The following CLSTN2 variants were observed in gnomAD, a reference collection of about 807,000 sequenced individuals.
CLSTN2 encodes the protein calsyntenin-2.
A neutral mutation model predicts 101.2 loss-of-function variants in CLSTN2; 48 were observed. That is an observed-to-expected ratio of 0.47 (90% CI 0.38 to 0.60). The LOEUF (loss-of-function observed/expected upper bound fraction) is 0.60, where lower values mean the gene tolerates loss of function less well. Ranked by LOEUF, CLSTN2 falls within the 20% of genes least tolerant of loss-of-function variation. CLSTN2 has a pLI of 0.00. For missense variants in CLSTN2, 1,160 were observed against 1,238.2 expected (o/e 0.94, Z 0.95); for synonymous variants, 481 against 463.6 (o/e 1.04, Z -0.48).
chr3:140,367,511 C>CAAAAAA (rs34398474), intron 2 of CLSTN2, among the ~76,000 whole-genome samples: 2 of 96,838 alleles, frequency 2.1e-5, no homozygotes, highest in African/African-American at 4.1e-5. Context: ...CACTTTGTCT[C>CAAAAAA]AAAAAAAAAA....
intron 2 of CLSTN2, among the ~76,000 whole-genome samples, chr3:140,255,536 A>G (rs1228764579): frequency 6.6e-6 from 1 of 152,206 alleles, no homozygotes; most frequent in East Asian, 1.9e-4. Context: ...TGTCACTTAT[A>G]AGTGGGAGCT....
chr3:140,299,745 C>T (rs2087041012), intron 2 of CLSTN2, among the ~76,000 whole-genome samples: 1 of 152,158 alleles, frequency 6.6e-6, no homozygotes, highest in South Asian at 2.1e-4. Context: ...TAGACCATTG[C>T]CCAAAGTTCG....
chr3:140,072,101 C>T (rs1317545339), intron 1 of CLSTN2, among the ~76,000 whole-genome samples: 2 of 152,010 alleles, frequency 1.3e-5, no homozygotes. Context: ...TACAGTTTGA[C>T]CCAGCATTGC....
chr3:140,025,380 T>C (rs571668368), intron 1 of CLSTN2, among the ~76,000 whole-genome samples: 1 of 152,348 alleles, frequency 6.6e-6, no homozygotes, highest in Admixed American at 6.5e-5. Context: ...CTGGGGGCTC[T>C]GGGCTCAGAT....
At chr3:140,440,420 G>A (rs186535641) in intron 5 of CLSTN2, among the ~76,000 whole-genome samples, 137 of 152,300 alleles carry the variant, frequency 9.0e-4, no homozygotes, top group Admixed American at 1.2e-3. Context: ...CCTTATGTTC[G>A]TAATTCAGTT....
chr3:140,224,072 T>C (rs1396338206), intron 2 of CLSTN2, among the ~76,000 whole-genome samples: 1 of 152,188 alleles, frequency 6.6e-6, no homozygotes, highest in Non-Finnish European at 1.5e-5. Flanking sequence ...CCTTACAGTA[T>C]AGTGAGTGGT....
intron 2 of CLSTN2, among the ~76,000 whole-genome samples, chr3:140,281,600 C>A (rs2086848116): frequency 6.6e-6 from 1 of 152,140 alleles, no homozygotes; most frequent in Non-Finnish European, 1.5e-5. Flanking sequence ...GGATCTCATT[C>A]ATAGTGCACT....
Position 140,421,149 on chromosome 3 carries a change from T to C in CLSTN2, c.662T>C (p.Leu221Pro). 1 of 1,614,108 alleles carries C rather than the reference T, an allele frequency of 6.2e-7. No individual in the cohort carries two copies. The highest frequency in any genetic ancestry group is 8.5e-7 in the Non-Finnish European group (1 of 1,179,994). ...RNGNIRNTEK[L>P]SYDKQHQYEI... Reference sequence around the variant, plus strand: ...GGCAACATCAGGAACACTGAGAAGCTGAGCTATGACAAACAACACCAGTAT... The same window carrying C: ...GGCAACATCAGGAACACTGAGAAGCCGAGCTATGACAAACAACACCAGTAT... Residue 221 changes from leucine to proline, a missense_variant, in exon 5 of 17, where the codon CTG (leucine) becomes CCG (proline). Leu to Pro is a moderately conservative substitution (Grantham distance 98). Transcript: ENST00000458420.
At position 139,972,963 on chromosome 3, in the gene CLSTN2, C is replaced by A. The variant is rs1200536179; in HGVS notation, c.109+37480C>A. 2.0e-5 allele frequency among the ~76,000 whole-genome samples: 3 copies of A among 152,170 alleles called. No homozygotes were observed. The East Asian group carries it at 5.8e-4, about 29-fold the overall frequency. ...GTGCCTCTATTACACATTAATTGCT[C>A]CTTTAGTCTACCTTAAAAAATTAAA... On this transcript the variant is annotated intron_variant, in intron 1 of 16. Coordinates refer to ENST00000458420, the MANE Select transcript of CLSTN2 (RefSeq NM_022131.3).
At chr3:140,062,027 T>C (rs1444441292) in intron 1 of CLSTN2, among the ~76,000 whole-genome samples, 1 of 152,170 alleles carries the variant, frequency 6.6e-6, no homozygotes, top group Non-Finnish European at 1.5e-5. Flanking sequence ...ATTATTATTA[T>C]AGTTAGTATT....
chr3:140,354,562 C>A (rs1180122548), intron 2 of CLSTN2, among the ~76,000 whole-genome samples: 13 of 152,150 alleles, frequency 8.5e-5, no homozygotes, highest in Admixed American at 5.9e-4. Context: ...AAATCCTCCC[C>A]AACTCCCCTC....
intron 2 of CLSTN2, among the ~76,000 whole-genome samples, chr3:140,227,086 C>G (rs924350800): frequency 1.3e-5 from 2 of 152,168 alleles, no homozygotes; most frequent in Non-Finnish European, 2.9e-5. Flanking sequence ...TCCCAACAGT[C>G]CCCCAAATTC....
At chr3:140,238,772 T>A (rs948441442) in intron 2 of CLSTN2, among the ~76,000 whole-genome samples, 1 of 152,168 alleles carries the variant, frequency 6.6e-6, no homozygotes, top group African/African-American at 2.4e-5. Flanking sequence ...TAATTTGAGT[T>A]AGTGGTGATT....
At chr3:139,963,984 C>G (rs189008209) in intron 1 of CLSTN2, among the ~76,000 whole-genome samples, 59 of 152,306 alleles carry the variant, frequency 3.9e-4, no homozygotes, top group African/African-American at 1.4e-3. Context: ...CTGTCTCCCC[C>G]ACTCTCTCTA....
chr3:140,344,290 T>C (rs2087519983), intron 2 of CLSTN2, among the ~76,000 whole-genome samples: 1 of 152,172 alleles, frequency 6.6e-6, no homozygotes, highest in South Asian at 2.1e-4. Context: ...GACATGATGC[T>C]GTCATGGCAA....
chr3:140,310,020 G>A (rs1469964687), intron 2 of CLSTN2, among the ~76,000 whole-genome samples: 2 of 152,058 alleles, frequency 1.3e-5, no homozygotes. Context: ...CAACCCAAGG[G>A]AGATCTGGTC....
At chr3:140,184,694 T>A (rs1301088028) in intron 2 of CLSTN2, among the ~76,000 whole-genome samples, 1 of 152,086 alleles carries the variant, frequency 6.6e-6, no homozygotes, top group African/African-American at 2.4e-5. Context: ...ATCAATGCAA[T>A]CATTTCATCA....
chr3:140,365,864 G>T (rs953311511), intron 2 of CLSTN2, among the ~76,000 whole-genome samples: 3 of 152,172 alleles, frequency 2.0e-5, no homozygotes, highest in African/African-American at 7.2e-5. Flanking sequence ...CATCTAGAGA[G>T]AAATCGAGGA....
intron 2 of CLSTN2, among the ~76,000 whole-genome samples, chr3:140,300,251 G>A (rs1275301957): frequency 6.6e-6 from 1 of 152,282 alleles, no homozygotes; most frequent in East Asian, 1.9e-4. Context: ...CAGAGATTAG[G>A]CCCTCAGCAA....
Sources: allele counts gnomAD v4.1 joint callset (sites outside exome capture counted in the v4.1 genomes callset), GRCh38; gene constraint gnomAD v4.1.1; transcripts MANE v1.5; gene names NCBI Gene and HGNC (gene_info 2026-07-23, HGNC 2026-07-21).